Variants in NTRK2 observed in about 807,000 individuals in gnomAD.
The protein encoded by NTRK2 is neurotrophic receptor tyrosine kinase 2.
In NTRK2, 13 loss-of-function variants were observed where a neutral mutation model predicts 94.5. That is an observed-to-expected ratio of 0.14 (90% CI 0.09 to 0.22). The LOEUF is 0.22. NTRK2 is among the 10% of genes least tolerant of loss of function. The pLI is 1.00. For missense variants in NTRK2, 639 were observed against 1,071.2 expected (o/e 0.60, Z 5.63); for synonymous variants, 372 against 407.4 (o/e 0.91, Z 1.05).
At chr9:84,840,963 G>GGAT (rs2131783543) in intron 12 of NTRK2, among the ~76,000 whole-genome samples, 1 of 152,270 alleles carries the variant, frequency 6.6e-6, no homozygotes, top group East Asian at 1.9e-4. Flanking sequence ...ACTGGCTCCA[G>GGAT]GCTGCTGCAT....
At chr9:85,016,660 C>CT (rs1832259227) in intron 17 of NTRK2, among the ~76,000 whole-genome samples, 1 of 152,248 alleles carries the variant, frequency 6.6e-6, no homozygotes, top group East Asian at 1.9e-4. Context: ...ACAACAGTGA[C>CT]TTTTTTGGGG....
At chr9:84,754,185 C>A (rs2064877838) in intron 12 of NTRK2, among the ~76,000 whole-genome samples, 1 of 151,850 alleles carries the variant, frequency 6.6e-6, no homozygotes, top group African/African-American at 2.4e-5. Context: ...TGTGCTTAAC[C>A]CTGCCACAGA....
chr9:84,873,185 G>T (rs199797636), intron 14 of NTRK2: 69 of 1,062,364 alleles, frequency 6.5e-5, no homozygotes, highest in Non-Finnish European at 7.6e-5. Context: ...TTGCTTTAGC[G>T]CTTCCTTCTG....
chr9:84,962,493 T>C (rs961616793), intron 17 of NTRK2, among the ~76,000 whole-genome samples: 1 of 152,212 alleles, frequency 6.6e-6, no homozygotes, highest in Non-Finnish European at 1.5e-5. Context: ...GTCCCCTTTT[T>C]TTTTGGTCTT....
chr9:85,019,973 C>T (rs1379715566), intron 17 of NTRK2, among the ~76,000 whole-genome samples: 1 of 152,172 alleles, frequency 6.6e-6, no homozygotes, highest in Admixed American at 6.5e-5. Flanking sequence ...CTGCTCCTAT[C>T]TGGTTTTGAG....
chr9:84,730,693 A>G (rs1458528594), intron 9 of NTRK2, among the ~76,000 whole-genome samples: 10 of 131,292 alleles, frequency 7.6e-5, no homozygotes, highest in Non-Finnish European at 1.6e-4. Flanking sequence ...GTGAGCCGAG[A>G]TCGCACCACT....
intron 14 of NTRK2, among the ~76,000 whole-genome samples, chr9:84,925,491 C>T (rs2077730660): frequency 6.6e-6 from 1 of 152,154 alleles, no homozygotes; most frequent in South Asian, 2.1e-4. Context: ...TCTCCTGCCT[C>T]TGATTAGTTC....
At chr9:84,999,176 A>G (rs190949568) in intron 17 of NTRK2, among the ~76,000 whole-genome samples, 1 of 144,406 alleles carries the variant, frequency 6.9e-6, no homozygotes, top group African/African-American at 2.6e-5. Context: ...CGTCTGTTTT[A>G]TCCCTCTCCC....
chr9:84,978,042 C>A (rs1236965614), intron 17 of NTRK2, among the ~76,000 whole-genome samples: 2 of 152,186 alleles, frequency 1.3e-5, no homozygotes, highest in Non-Finnish European at 2.9e-5. Flanking sequence ...ATCTCTCTCC[C>A]TTTCCCTGGG....
At chr9:85,020,155 C>T (rs2117918917) in intron 17 of NTRK2, 51 bp from the exon 18 acceptor site, 1 of 1,608,326 alleles carries the variant, frequency 6.2e-7, no homozygotes. Context: ...CTCCCTTCCA[C>T]ACCTGGTTTC....
chr9:84,845,769 G>A (rs2131834161), intron 12 of NTRK2, among the ~76,000 whole-genome samples: 1 of 152,186 alleles, frequency 6.6e-6, no homozygotes. Flanking sequence ...GGACTTGGTG[G>A]GGTGTCAATT....
At chr9:84,718,149 G>A (rs893274023) in intron 6 of NTRK2, among the ~76,000 whole-genome samples, 5 of 151,622 alleles carry the variant, frequency 3.3e-5, no homozygotes, top group Non-Finnish European at 5.9e-5. Flanking sequence ...CACACTTTGG[G>A]GAAAATTTGA....
At chr9:84,685,546 A>C (rs2059660559) in intron 2 of NTRK2, among the ~76,000 whole-genome samples, 1 of 152,124 alleles carries the variant, frequency 6.6e-6, no homozygotes, top group Non-Finnish European at 1.5e-5. Context: ...GCAAAGGCTG[A>C]CAACTTCTTA....
intron 12 of NTRK2, among the ~76,000 whole-genome samples, chr9:84,840,473 C>A (rs532311638): frequency 2.1e-4 from 32 of 151,932 alleles, no homozygotes; most frequent in Non-Finnish European, 4.4e-4. Flanking sequence ...TGATACAAGG[C>A]TTCTCCCCAG....
At chr9:84,724,102 C>A (rs1352957225) in intron 7 of NTRK2, 122 bp from the exon 8 acceptor site, 4 of 1,032,452 alleles carry the variant, frequency 3.9e-6, no homozygotes, top group African/African-American at 3.2e-5. Flanking sequence ...CCAGTTCAGG[C>A]AGAGAAGCTT....
At chr9:84,919,170 C>T (rs184880192) in intron 14 of NTRK2, among the ~76,000 whole-genome samples, 3 of 152,224 alleles carry the variant, frequency 2.0e-5, no homozygotes, top group Non-Finnish European at 4.4e-5. Context: ...CCCTACTTTG[C>T]CTCTCTGCCC....
intron 14 of NTRK2, 64 bp downstream of exon 14, chr9:84,867,495 A>G (rs2132063776): frequency 5.8e-6 from 8 of 1,384,348 alleles, no homozygotes; most frequent in Non-Finnish European, 7.2e-6. Flanking sequence ...CAGAGTGTTT[A>G]TCAGAGCCCC....
At chr9:84,935,830 A>C (rs2078196127) in intron 15 of NTRK2, among the ~76,000 whole-genome samples, 1 of 152,256 alleles carries the variant, frequency 6.6e-6, no homozygotes, top group South Asian at 2.1e-4. Context: ...TTAAATCTGC[A>C]GTCTCTGTTT....
chr9:84,717,455 T>G (rs1412705974), intron 6 of NTRK2, among the ~76,000 whole-genome samples: 2 of 152,156 alleles, frequency 1.3e-5, no homozygotes, highest in East Asian at 3.9e-4. Context: ...AAGTATGCAC[T>G]AATAGGTGGA....
Sources: gnomAD v4.1 joint callset for allele counts (sites outside exome capture counted in the v4.1 genomes callset) on GRCh38, gnomAD v4.1.1 for gene constraint, MANE v1.5 for transcripts, NCBI Gene and HGNC (gene_info 2026-07-23, HGNC 2026-07-21) for gene names.